The following TRHDE variants were observed in gnomAD, a reference collection of about 807,000 sequenced individuals.
TRHDE encodes thyrotropin releasing hormone degrading enzyme, also known as thyrotropin-releasing hormone-degrading ectoenzyme.
A neutral mutation model predicts 125.7 loss-of-function variants in TRHDE; 72 were observed. The ratio of observed to expected loss-of-function variants is 0.57; its 90% CI spans 0.47 to 0.70. The LOEUF (loss-of-function observed/expected upper bound fraction) is 0.70, where lower values mean the gene tolerates loss of function less well. TRHDE is among the 30% of genes least tolerant of loss of function. TRHDE has a pLI of 0.00. For missense variants in TRHDE, 1,110 were observed against 1,327.1 expected, an observed-to-expected ratio of 0.84 and a Z score of 2.54; for synonymous variants, 509 against 509.1, an observed-to-expected ratio of 1.00 and a Z score of 0.00.
chr12:72,328,842 T>C (rs984728896), intron 2 of TRHDE, among the ~76,000 whole-genome samples: 1 of 152,214 alleles, frequency 6.6e-6, no homozygotes, highest in African/African-American at 2.4e-5. Context: ...TTTGAGTAAA[T>C]ATTTCATTGT....
intron 2 of TRHDE, among the ~76,000 whole-genome samples, chr12:72,288,604 G>A (rs572813347): frequency 9.9e-5 from 15 of 152,086 alleles, no homozygotes; most frequent in African/African-American, 2.2e-4. Context: ...TTCATTTTAC[G>A]TCTTCAAAAG....
intron 3 of TRHDE, among the ~76,000 whole-genome samples, chr12:72,458,288 C>A (rs1875957766): frequency 6.6e-6 from 1 of 152,110 alleles, no homozygotes; most frequent in African/African-American, 2.4e-5. Flanking sequence ...TATAAATATA[C>A]CTAAGATATT....
intron 1 of TRHDE, among the ~76,000 whole-genome samples, chr12:72,283,968 T>C (rs1462491902): frequency 1.1e-5 from 1 of 92,114 alleles, no homozygotes; most frequent in Non-Finnish European, 2.5e-5. Context: ...AATATGAAAT[T>C]GGTTATATCT....
intron 2 of TRHDE, among the ~76,000 whole-genome samples, chr12:72,360,272 G>T (rs1039862337): frequency 6.6e-6 from 1 of 151,754 alleles, no homozygotes; most frequent in Non-Finnish European, 1.5e-5. Context: ...AATTCTATTT[G>T]ATCAAGGCCA....
In TRHDE at chr12:72,310,330, C is replaced by T. The variant is rs12815030; in HGVS notation, c.1188+23376C>T. On this transcript the variant is annotated intron_variant, in intron 2 of 18. Transcript: ENST00000261180. ...TAAGTCGGTAAACCTGAATTCAAGT[C>T]TCCTGTCTAAATTCAGAGCCTTTGG... 4.3e-3 allele frequency among the ~76,000 whole-genome samples: 653 copies of T among 152,326 alleles called. 3 individuals carry two copies. The highest frequency in any genetic ancestry group is 6.5e-3 in the Non-Finnish European group (443 of 68,026).
chr12:72,401,409 G>C (rs1031325028), intron 3 of TRHDE, among the ~76,000 whole-genome samples: 4 of 152,134 alleles, frequency 2.6e-5, no homozygotes, highest in African/African-American at 9.7e-5. Flanking sequence ...TGAGCAGCTT[G>C]CCTAGAATCA....
chr12:72,255,853 C>T (rs1047299735), intron 2 of TRHDE: 11 of 152,168 alleles, frequency 7.2e-5, no homozygotes, highest in African/African-American at 2.4e-4. Flanking sequence ...TCAACTTCAT[C>T]CATCTAGCTG....
intron 7 of TRHDE, among the ~76,000 whole-genome samples, chr12:72,545,700 G>C (rs1354093693): frequency 6.6e-6 from 1 of 151,584 alleles, no homozygotes; most frequent in Non-Finnish European, 1.5e-5. Context: ...GTTTTTGCTG[G>C]TAATAGTTTT....
chr12:72,631,442 A>C (rs963962432), intron 15 of TRHDE, among the ~76,000 whole-genome samples: 4 of 151,826 alleles, frequency 2.6e-5, no homozygotes, highest in Non-Finnish European at 5.9e-5. Flanking sequence ...TAACTATTTA[A>C]GTGAGTATCC....
At chr12:72,411,999 A>G (rs1351843056) in intron 3 of TRHDE, among the ~76,000 whole-genome samples, 1 of 152,208 alleles carries the variant, frequency 6.6e-6, no homozygotes, top group Non-Finnish European at 1.5e-5. Context: ...AAAGACTGAA[A>G]TGTCAAAGGT....
intron 12 of TRHDE, among the ~76,000 whole-genome samples, chr12:72,585,646 AT>A (rs529993589): frequency 1.3e-5 from 2 of 152,134 alleles, no homozygotes; most frequent in Non-Finnish European, 2.9e-5. Context: ...TTGCTTTTTG[AT>A]TTGTTGTAAG....
At chr12:72,375,614 T>C (rs1265013577) in intron 2 of TRHDE, among the ~76,000 whole-genome samples, 1 of 152,220 alleles carries the variant, frequency 6.6e-6, no homozygotes, top group Non-Finnish European at 1.5e-5. Flanking sequence ...ATCTACTAGA[T>C]ACTTTATGTA....
chr12:72,473,064 C>A lies in TRHDE; in HGVS notation c.1471-3C>A. The A allele has an allele frequency of 6.2e-7, 1 of 1,609,590 alleles. No individual in the cohort carries two copies. Among genetic ancestry groups the A allele is most frequent in the Non-Finnish European group, 8.5e-7 (1 of 1,176,322 alleles). On this transcript the variant is annotated splice_region_variant and splice_polypyrimidine_tract_variant and intron_variant, in intron 4 of 18. Transcript: ENST00000261180. ...TTGATGACCATTAATTTTGTTACTG[C>A]AGTGGTTTGGTGACCTTGTGACGCC...
chr12:72,214,877 A>G (rs1004697011), intron 2 of TRHDE, among the ~76,000 whole-genome samples: 1 of 152,204 alleles, frequency 6.6e-6, no homozygotes, highest in Non-Finnish European at 1.5e-5. Context: ...CTCCTGTGCT[A>G]TAGCAGCAAG....
chr12:72,616,495 T>C (rs999029294), intron 12 of TRHDE, among the ~76,000 whole-genome samples: 1 of 152,100 alleles, frequency 6.6e-6, no homozygotes, highest in Non-Finnish European at 1.5e-5. Flanking sequence ...ATTTGCCTAA[T>C]TGGACGAGTG....
intron 2 of TRHDE, among the ~76,000 whole-genome samples, chr12:72,207,304 C>G (rs1376745637): frequency 6.6e-6 from 1 of 152,114 alleles, no homozygotes; most frequent in Non-Finnish European, 1.5e-5. Flanking sequence ...TCCCATGTAA[C>G]CTGATCCTTG....
intron 2 of TRHDE, among the ~76,000 whole-genome samples, chr12:72,310,424 G>A (rs577752128): frequency 2.0e-5 from 3 of 152,126 alleles, no homozygotes; most frequent in South Asian, 2.1e-4. Flanking sequence ...TCTTGACTGC[G>A]TTTATTTTTG....
At chr12:72,140,009 G>A (rs1289963650) in intron 2 of TRHDE, 4 of 152,164 alleles carry the variant, frequency 2.6e-5, no homozygotes, top group African/African-American at 4.8e-5. Context: ...GAAAGAGATC[G>A]AAGTATTTTA....
At chr12:72,525,659 GT>G (rs1350209468) in intron 6 of TRHDE, among the ~76,000 whole-genome samples, 1 of 149,156 alleles carries the variant, frequency 6.7e-6, no homozygotes, top group Non-Finnish European at 1.5e-5. Context: ...GAGAGAGAAA[GT>G]TGGTGATTTT....
Sources: gnomAD v4.1 joint callset for allele counts (sites outside exome capture counted in the v4.1 genomes callset) on GRCh38, gnomAD v4.1.1 for gene constraint, MANE v1.5 for transcripts, NCBI Gene and HGNC (gene_info 2026-07-23, HGNC 2026-07-21) for gene names.